The following TRIM42 variants were observed in gnomAD, a reference collection of about 807,000 sequenced individuals.
TRIM42 encodes tripartite motif containing 42.
TRIM42 carries 59 observed loss-of-function variants against 64.9 expected under a neutral mutation model. That is an observed-to-expected ratio of 0.91 (90% confidence interval 0.74 to 1.13). The LOEUF is 1.13. Among genes scored for constraint, TRIM42 ranks in the 50% most tolerant of loss-of-function variants. The pLI is 0.00. For missense variants in TRIM42, 878 were observed against 929.5 expected, an observed-to-expected ratio of 0.94 and a Z score of 0.72; for synonymous variants, 354 against 346.3, an observed-to-expected ratio of 1.02 and a Z score of -0.25.
At chr3:140,685,439 T>C (rs1334849933) in intron 2 of TRIM42, among the ~76,000 whole-genome samples, 2 of 152,196 alleles carry the variant, frequency 1.3e-5, no homozygotes, top group Non-Finnish European at 2.9e-5. Flanking sequence ...ACTCAAAGTA[T>C]GGTTCAAGGA....
intron 4 of TRIM42, among the ~76,000 whole-genome samples, chr3:140,699,186 G>A (rs2107769439): frequency 6.6e-6 from 1 of 152,220 alleles, no homozygotes; most frequent in South Asian, 2.1e-4. Flanking sequence ...AATAAATCCT[G>A]TGTGTTCATG....
intron 2 of TRIM42, among the ~76,000 whole-genome samples, chr3:140,684,187 G>A (rs1988491775): frequency 6.6e-6 from 1 of 152,124 alleles, no homozygotes; most frequent in African/African-American, 2.4e-5. Flanking sequence ...CCATGGATAA[G>A]ACAACTGTGG....
At chr3:140,684,075 C>T (rs1166936741) in intron 2 of TRIM42, among the ~76,000 whole-genome samples, 1 of 152,124 alleles carries the variant, frequency 6.6e-6, no homozygotes, top group Non-Finnish European at 1.5e-5. Context: ...TGCCCTTTAC[C>T]CCCAGGAATA....
At chr3:140,691,213 C>G in intron 4 of TRIM42, 21 bp downstream of exon 4, 1 of 1,605,492 alleles carries the variant, frequency 6.2e-7, no homozygotes, top group Non-Finnish European at 8.5e-7. Context: ...CGTTATTTCT[C>G]AGACAGATTT....
At chr3:140,699,973 G>T (rs1988956555) in intron 4 of TRIM42, among the ~76,000 whole-genome samples, 1 of 152,118 alleles carries the variant, frequency 6.6e-6, no homozygotes, top group African/African-American at 2.4e-5. Flanking sequence ...TTTGTGCCCT[G>T]TATAAACATT....
intron 4 of TRIM42, among the ~76,000 whole-genome samples, chr3:140,691,633 A>C (rs138621353): frequency 6.6e-6 from 1 of 152,322 alleles, no homozygotes; most frequent in African/African-American, 2.4e-5. Flanking sequence ...AATTTCTGGC[A>C]CACAATAATT....
chr3:140,700,342 A>G (rs1369988229), intron 4 of TRIM42, among the ~76,000 whole-genome samples: 1 of 152,174 alleles, frequency 6.6e-6, no homozygotes, highest in East Asian at 1.9e-4. Flanking sequence ...TGGCAGATTT[A>G]CAAATTATAT....
intron 4 of TRIM42, 34 bp from the exon 5 acceptor site, chr3:140,700,854 A>G: frequency 3.7e-6 from 6 of 1,602,160 alleles, no homozygotes; most frequent in East Asian, 2.2e-5. Context: ...GCTGTTGTCT[A>G]TTGGGTGTCA....
chr3:140,679,680 A>G (rs557958563), intron 1 of TRIM42, among the ~76,000 whole-genome samples: 1 of 152,166 alleles, frequency 6.6e-6, no homozygotes, highest in Non-Finnish European at 1.5e-5. Flanking sequence ...ATCCTAAAAC[A>G]TGGAAAATTG....
At chr3:140,688,589 A>T (rs1386320097) in intron 3 of TRIM42, 47 bp downstream of exon 3, 1 of 1,497,394 alleles carries the variant, frequency 6.7e-7, no homozygotes, top group Non-Finnish European at 9.1e-7. Context: ...GGTGTGGGGC[A>T]CAGAGTAGAA....
chr3:140,689,783 A>T (rs562726592), intron 3 of TRIM42, among the ~76,000 whole-genome samples: 1 of 151,096 alleles, frequency 6.6e-6, no homozygotes, highest in Admixed American at 6.6e-5. Context: ...CTACATTTCC[A>T]ATTGATACTA....
At chr3:140,681,336 A>G (rs897204741) in intron 1 of TRIM42, among the ~76,000 whole-genome samples, 3 of 152,216 alleles carry the variant, frequency 2.0e-5, no homozygotes, top group African/African-American at 7.2e-5. Flanking sequence ...AATGCTTACT[A>G]TGTACCAGCA....
chr3:140,687,382 T>G (rs1360223681), intron 2 of TRIM42, among the ~76,000 whole-genome samples: 2 of 152,216 alleles, frequency 1.3e-5, no homozygotes, highest in African/African-American at 4.8e-5. Context: ...TGACTTCACC[T>G]CTTCTCAAGT....
chr3:140,692,530 TACACACAC>T (rs1553763786), intron 4 of TRIM42, among the ~76,000 whole-genome samples: 21 of 108,444 alleles, frequency 1.9e-4, no homozygotes, highest in South Asian at 6.9e-4. Context: ...CACATACACA[TACACACAC>T]ACACACACAC....
At chr3:140,681,122 T>A (rs1238295303) in intron 1 of TRIM42, among the ~76,000 whole-genome samples, 1 of 152,260 alleles carries the variant, frequency 6.6e-6, no homozygotes. Context: ...AGTATGCTTT[T>A]ACGCCATAGC....
At chr3:140,699,418 G>A (rs1467358536) in intron 4 of TRIM42, among the ~76,000 whole-genome samples, 1 of 152,128 alleles carries the variant, frequency 6.6e-6, no homozygotes, top group Non-Finnish European at 1.5e-5. Flanking sequence ...CATCTGGAAA[G>A]CAATATGAGC....
Position 140,687,855 on chromosome 3 carries a change from G to A in TRIM42, c.1173G>A (p.Glu391=). 1.9e-6 allele frequency: 3 copies of A among 1,614,254 alleles called. No homozygotes were observed. The South Asian group carries it at 3.3e-5, about 18-fold the overall frequency. The stretch of plus-strand genomic sequence containing the variant: ...TGCGCAGCATTCTTCAGGAGAAAGA[G>A]AAGATCATCATGGAGCAGATAGAGA... ...LKLRSILQEK[E]KIIMEQIENL... The change falls in exon 3 of 5, where the codon GAG becomes GAA. Residue 391 remains glutamate (E), a synonymous_variant. Coordinates refer to ENST00000286349, the MANE Select transcript of TRIM42 (RefSeq NM_152616.5).
chr3:140,688,181 C>G lies in TRIM42; in HGVS notation c.1499C>G (p.Ser500Ter). The G allele has an allele frequency of 6.2e-7, 1 of 1,614,186 alleles. No individual in the cohort carries two copies. The highest frequency in any genetic ancestry group is 1.1e-5 in the South Asian group (1 of 91,082). The change falls in exon 3 of 5, where the codon TCA (serine) becomes TGA (stop). Residue 500 changes from serine (S) to a stop codon, truncating the protein, a stop_gained. Transcript: ENST00000286349. LOFTEE classifies it high-confidence loss of function. ...FPTGPKKVRS[S>*]GDSLPSPYPV... ...ACAGGGCCCAAGAAGGTACGCTCCT[C>G]AGGGGACTCCCTGCCCTCCCCCTAC...
chr3:140,700,760 C>G, intron 4 of TRIM42, 128 bp from the exon 5 acceptor site: 1 of 768,698 alleles, frequency 1.3e-6, no homozygotes. Flanking sequence ...TAAAGTGGCA[C>G]CAACAGCCAC....
Sources: allele counts gnomAD v4.1 joint callset (sites outside exome capture counted in the v4.1 genomes callset), GRCh38; gene constraint gnomAD v4.1.1; transcripts MANE v1.5; gene names NCBI Gene and HGNC (gene_info 2026-07-23, HGNC 2026-07-21).